The following JCAD variants were observed in gnomAD, a reference collection of about 807,000 sequenced individuals.
The protein encoded by JCAD is junctional cadherin 5 associated.
In JCAD, 40 loss-of-function variants were observed where a neutral mutation model predicts 98.0. That is an observed-to-expected ratio of 0.41 (90% CI 0.32 to 0.53). JCAD has a LOEUF of 0.53. Among genes scored for constraint, JCAD ranks in the 20% least tolerant of loss-of-function variants. The pLI, the probability that JCAD is intolerant of heterozygous loss-of-function variation, is 0.31. For synonymous variants in JCAD, 691 were observed against 682.3 expected, an observed-to-expected ratio of 1.01 and a Z score of -0.20; for missense variants, 1,705 against 1,738.1, an observed-to-expected ratio of 0.98 and a Z score of 0.34.
rs190067899 is a variant in JCAD at position 30,027,152 on chromosome 10, G to A, written c.2996C>T (p.Pro999Leu). ...PASYPAEPRE[P>L]QESPKITSAF... is the part of the protein sequence containing the mutation. ...ACTGGTGATTTTCGGACTTTCCTGG[G>A]GCTCCCTAGGTTCAGCTGGATAGGA... Residue 999 changes from proline (P) to leucine (L), a missense_variant, in exon 3 of 4, where the codon CCC becomes CTC. Physicochemically the swap from Pro to Leu is moderately conservative, Grantham distance 98 (BLOSUM62 -3). Around this residue, in one of 3 missense-constraint regions of JCAD, gnomAD observed 1,278 missense variants for 1,243.1 expected, o/e 1.03. Transcript: ENST00000375377. The A allele has an allele frequency of 4.0e-5, 64 of 1,614,098 alleles. No individual in the cohort carries two copies. In the African/African-American group the frequency reaches 7.3e-4, roughly 18 times the overall value.
chr10:30,032,297 G>T (rs1837019509), intron 2 of JCAD, among the ~76,000 whole-genome samples: 1 of 152,158 alleles, frequency 6.6e-6, no homozygotes, highest in African/African-American at 2.4e-5. Context: ...CAAATATTTG[G>T]ATTTAATTGG....
upstream of JCAD, among the ~76,000 whole-genome samples, chr10:30,062,117 A>G (rs1344870756): frequency 1.3e-5 from 2 of 152,220 alleles, no homozygotes; most frequent in Non-Finnish European, 2.9e-5. Context: ...CACTGATTCA[A>G]TGCTAGGAGC....
At chr10:30,110,255 C>A (rs1402241663) in intron 1 of JCAD, among the ~76,000 whole-genome samples, 1 of 151,340 alleles carries the variant, frequency 6.6e-6, no homozygotes, top group Non-Finnish European at 1.5e-5. Flanking sequence ...TGTATGGACC[C>A]CTGAGGTATG....
chr10:30,082,226 C>T (rs542765880), intron 1 of JCAD, among the ~76,000 whole-genome samples: 19 of 152,068 alleles, frequency 1.2e-4, no homozygotes, highest in Middle Eastern at 3.4e-3. Flanking sequence ...TCCAGCTTCC[C>T]GTAGGATGAA....
intron 1 of JCAD, among the ~76,000 whole-genome samples, chr10:30,084,025 GAA>G (rs1014228623): frequency 8.2e-5 from 12 of 147,034 alleles, no homozygotes; most frequent in African/African-American, 2.0e-4. Flanking sequence ...AAAAAAGAAA[GAA>G]AGAGAGAGAG....
intron 1 of JCAD, among the ~76,000 whole-genome samples, chr10:30,055,370 T>C (rs968050785): frequency 6.6e-6 from 1 of 152,246 alleles, no homozygotes; most frequent in African/African-American, 2.4e-5. Flanking sequence ...GTACTTTCTT[T>C]AAACAAGAGG....
At chr10:30,077,622 C>A (rs1044886277) in intron 1 of JCAD, among the ~76,000 whole-genome samples, 3 of 152,194 alleles carry the variant, frequency 2.0e-5, no homozygotes, top group Non-Finnish European at 4.4e-5. Flanking sequence ...TCTACTCTGT[C>A]TTCCATTTAC....
At chr10:30,108,312 T>TAA (rs59735299) in intron 1 of JCAD, among the ~76,000 whole-genome samples, 26 of 142,324 alleles carry the variant, frequency 1.8e-4, no homozygotes, top group African/African-American at 6.8e-4. Flanking sequence ...AACTCCATAT[T>TAA]AAAAAAAAAA....
chr10:30,095,238 T>A (rs1838350091), intron 1 of JCAD, among the ~76,000 whole-genome samples: 1 of 152,260 alleles, frequency 6.6e-6, no homozygotes, highest in Non-Finnish European at 1.5e-5. Flanking sequence ...TTCATGGCTC[T>A]CGTCTCTTAA....
chr10:30,027,063 C>G lies in JCAD; in HGVS notation c.3085G>C (p.Gly1029Arg). 5.0e-6 allele frequency: 8 copies of G among 1,614,222 alleles called. No individual in the cohort carries two copies. Among genetic ancestry groups the G allele is most frequent in the Non-Finnish European group, 6.8e-6 (8 of 1,180,034 alleles). Residue 1029 changes from glycine (G) to arginine (R), a missense_variant, in exon 3 of 4, where the codon GGG becomes CGG. Physicochemically the swap from Gly to Arg is moderately radical, Grantham distance 125 (BLOSUM62 -2). Transcript: ENST00000375377. ...GACAGGGACAGTGGGAGCCCTGCCC[C>G]CCTCTCTCCACCACTGTCAAACTTC... is the stretch of plus-strand genomic sequence containing the variant. Reference protein sequence around the residue: ...PRKFDSGGERGAGLPLSLSNK... With the variant: ...PRKFDSGGERRAGLPLSLSNK...
chr10:30,071,944 A>G (rs773655233), intron 1 of JCAD, among the ~76,000 whole-genome samples: 1 of 152,222 alleles, frequency 6.6e-6, no homozygotes, highest in Admixed American at 6.5e-5. Flanking sequence ...ACAGAGGTTA[A>G]TATTATAAGC....
chr10:30,096,949 T>C (rs1838378646), intron 1 of JCAD, among the ~76,000 whole-genome samples: 1 of 152,228 alleles, frequency 6.6e-6, no homozygotes, highest in South Asian at 2.1e-4. Flanking sequence ...AGGAATAAGT[T>C]ACAGGATGTA....
At chr10:30,113,650 C>T (rs1412109071) in intron 1 of JCAD, among the ~76,000 whole-genome samples, 1 of 151,496 alleles carries the variant, frequency 6.6e-6, no homozygotes, top group East Asian at 1.9e-4. Flanking sequence ...AACCTGGCTC[C>T]ACCCTCCTCA....
chr10:30,027,176 G>A lies in JCAD; in HGVS notation c.2972C>T (p.Ser991Phe), dbSNP rs182083025. 1.7e-5 allele frequency: 28 copies of A among 1,614,166 alleles called. No homozygotes were observed. The Admixed American group carries it at 4.3e-4, about 25-fold the overall frequency. Residue 991 changes from serine to phenylalanine, a missense_variant, in exon 3 of 4, where the codon TCC becomes TTC. Ser to Phe is a radical substitution (Grantham distance 155, BLOSUM62 -2). Transcript: ENST00000375377. The part of the protein sequence containing the change: ...RSSDAKPLPA[S>F]YPAEPREPQE... Reference sequence around the variant, plus strand: ...GGGCTCCCTAGGTTCAGCTGGATAGGACGCGGGCAGTGGTTTTGCGTCACT... The same window carrying A: ...GGGCTCCCTAGGTTCAGCTGGATAGAACGCGGGCAGTGGTTTTGCGTCACT...
chr10:30,110,714 C>T (rs115322456), intron 1 of JCAD, among the ~76,000 whole-genome samples: 148 of 151,884 alleles, frequency 9.7e-4, no homozygotes, highest in African/African-American at 3.3e-3. Flanking sequence ...GATGTATGGA[C>T]CCCTGGTATA....
At chr10:30,089,045 A>G (rs1034054281) in intron 1 of JCAD, among the ~76,000 whole-genome samples, 20 of 152,346 alleles carry the variant, frequency 1.3e-4, no homozygotes, top group African/African-American at 4.3e-4. Flanking sequence ...TGCAAATTTT[A>G]GAAACCATTG....
At chr10:30,057,592 C>T (rs1330186182) in intron 1 of JCAD, among the ~76,000 whole-genome samples, 2 of 152,166 alleles carry the variant, frequency 1.3e-5, no homozygotes, top group African/African-American at 2.4e-5. Context: ...CTTTCTCCAC[C>T]CACCCAAATC....
In JCAD at chr10:30,027,610, T is replaced by C; in HGVS notation, c.2538A>G (p.Glu846=). 1 of 1,614,154 alleles carries C rather than the reference T, an allele frequency of 6.2e-7. No homozygotes were observed. Among genetic ancestry groups the C allele is most frequent in the Non-Finnish European group, 8.5e-7 (1 of 1,179,978 alleles). ...ESFNKELQEE[E]ESSSSSSSSS... is the part of the protein sequence containing the mutation. Reference sequence around the variant, plus strand: ...TGCTGCTGCTGCTACTGCTGCTTTCTTCCTCTTCCTGGAGCTCCTTGTTAA... The same window carrying C: ...TGCTGCTGCTGCTACTGCTGCTTTCCTCCTCTTCCTGGAGCTCCTTGTTAA... The change falls in exon 3 of 4, where the codon GAA becomes GAG. Residue 846 remains glutamate, a synonymous_variant. Coordinates refer to ENST00000375377, the MANE Select transcript of JCAD (RefSeq NM_020848.4).
Position 30,113,584 on chromosome 10 carries a change from C to T in JCAD, n.128+1783G>A, listed in dbSNP as rs1430356106. On this transcript the variant is annotated intron_variant and non_coding_transcript_variant, in intron 1 of 2. Transcript: ENST00000465712. ...AAAAAAAAAAAAAAAAAAAGCCTCC[C>T]AGCAGAGAAGAAGGAAGCACAAAAC... 2.7e-5 allele frequency among the ~76,000 whole-genome samples: 4 copies of T among 148,048 alleles called. No individual in the cohort carries two copies. The Admixed American group carries it at 2.7e-4, about 10-fold the overall frequency.
Sources: gnomAD v4.1 joint callset for allele counts (sites outside exome capture counted in the v4.1 genomes callset) on GRCh38, gnomAD v4.1.1 for gene constraint, gnomAD v4.1.1 regional missense constraint, MANE v1.5 for transcripts, NCBI Gene and HGNC (gene_info 2026-07-23, HGNC 2026-07-21) for gene names.